Variants in ELL3 observed in about 807,000 individuals in gnomAD.
The protein encoded by ELL3 is RNA polymerase II elongation factor ELL3.
Under a neutral mutation model 58.5 loss-of-function variants are expected in ELL3, and 48 were observed. The observed-to-expected ratio is 0.82, with a 90% CI of 0.65 to 1.04. The LOEUF (loss-of-function observed/expected upper bound fraction) is 1.04. Among genes scored for constraint, ELL3 ranks in the 50% least tolerant of loss-of-function variants. ELL3 has a pLI of 0.00. For synonymous variants in ELL3, 174 were observed against 173.2 expected, an observed-to-expected ratio of 1.00 and a Z score of -0.04; for missense variants, 458 against 478.4, an observed-to-expected ratio of 0.96 and a Z score of 0.40.
rs1021355753 is a variant in ELL3 at position 43,776,863 on chromosome 15, C to A, written c.39G>T (p.Arg13=). 6 of 1,611,772 alleles carry A rather than the reference C, an allele frequency of 3.7e-6. No homozygotes were observed. Among genetic ancestry groups the A allele is most frequent in the Non-Finnish European group, 5.1e-6 (6 of 1,179,630 alleles). The change falls in exon 1 of 11, where the codon CGG becomes CGT. Residue 13 remains arginine (R), a synonymous_variant. Transcript: ENST00000319359. ...TCCGGGCAGCTTGCGTGAAGCAGAG[C>A]CGGAGCTGTCCTCTCAGAGGCTCCT... ...ELQEPLRGQL[R]LCFTQAARTS...
In ELL3 at chr15:43,775,805, C is replaced by T; in HGVS notation, c.400G>A (p.Ala134Thr). The stretch of plus-strand genomic sequence containing the variant: ...TTCTGCCAACTCTCAGGATGTCTGG[C>T]ATCTTCAGTCAGGTTGTGTCCCTGA... ...SVQGHNLTED[A>T]RHPESWQNTG... is the part of the protein sequence containing the mutation. The change falls in exon 4 of 11, where the codon GCC becomes ACC. Residue 134 changes from alanine to threonine, a missense_variant. By Grantham distance (58) the Ala-to-Thr change is moderately conservative. Coordinates refer to ENST00000319359, the MANE Select transcript of ELL3 (RefSeq NM_025165.3). 1 of 1,614,196 alleles carries T rather than the reference C, an allele frequency of 6.2e-7. No individual in the cohort carries two copies.
rs141346724 is a variant in ELL3, at chr15:43,776,514, G to T, written c.163C>A (p.Arg55=). 1,021 of 1,565,908 alleles carry T rather than the reference G, an allele frequency of 6.5e-4. 4 individuals are homozygous for T. In the African/African-American group the frequency reaches 0.012, roughly 18 times the overall value. ...CACCCTGAGCTCGCACTTACCCCTC[G>T]GTGGCCTTGGAAAGCAATCACCGGC... ...VRPVIAFQGH[R]GYLRLPGPGW... is the part of the protein sequence containing the mutation. Residue 55 remains arginine, a synonymous_variant, in exon 2 of 11, where the codon CGA becomes AGA. Transcript: ENST00000319359.
At position 43,774,788 on chromosome 15, in the gene ELL3, A is replaced by G; in HGVS notation, c.646-15T>C. 3.2e-6 allele frequency: 5 copies of G among 1,584,352 alleles called. No homozygotes were observed. Among genetic ancestry groups the G allele is most frequent in the Non-Finnish European group, 3.4e-6 (4 of 1,170,266 alleles). ...ACTGAACGTTTCTGTTGAGGAAAAT[A>G]TCTGTGTGACATAAACAGCCAAGAG... On this transcript the variant is annotated splice_polypyrimidine_tract_variant and intron_variant, in intron 6 of 10. Coordinates refer to ENST00000319359, the MANE Select transcript of ELL3 (RefSeq NM_025165.3).
intron 6 of ELL3, 49 bp from the exon 7 acceptor site, chr15:43,774,822 A>G: frequency 6.6e-7 from 1 of 1,524,314 alleles, no homozygotes. Context: ...AGCTTCCTAA[A>G]TATGTTCTTC....
rs202108980 is a variant in ELL3 at position 43,773,297 on chromosome 15, G to T, written c.1083+7C>A. 44 of 1,614,128 alleles carry T rather than the reference G, an allele frequency of 2.7e-5. No homozygotes were observed. In the African/African-American group the frequency reaches 5.3e-4, roughly 20 times the overall value. On this transcript the variant is annotated splice_region_variant and intron_variant, in intron 10 of 10. Coordinates refer to ENST00000319359, the MANE Select transcript of ELL3 (RefSeq NM_025165.3). ...TACCTTGCTTCCGTTCCCAGACCTT[G>T]TCTTACCTTCCTGAACTTTTTATAT...
rs761289258 is a variant in ELL3, at chr15:43,773,141, A to T, written c.1169T>A (p.Phe390Tyr). ...LSHIKGLILE[F>Y]EEKNRGS ...TCAGCTGCCCCTGTTCTTTTCCTCA[A>T]ACTCCAGGATGAGACCTTTAATGTG... The change falls in exon 11 of 11, where the codon TTT becomes TAT. Residue 390 changes from phenylalanine (F) to tyrosine (Y), a missense_variant. By Grantham distance (22) the Phe-to-Tyr change is conservative. Coordinates refer to ENST00000319359, the MANE Select transcript of ELL3 (RefSeq NM_025165.3). 22 of 1,610,258 alleles carry T rather than the reference A, an allele frequency of 1.4e-5. No homozygotes were observed. Among genetic ancestry groups the T allele is most frequent in the Non-Finnish European group, 1.9e-5 (22 of 1,179,028 alleles).
intron 1 of ELL3, 91 bp from the exon 2 acceptor site, chr15:43,776,635 G>T: frequency 6.5e-7 from 1 of 1,548,328 alleles, no homozygotes; most frequent in Non-Finnish European, 8.7e-7. Context: ...CCTGCCTAGC[G>T]GGCTTCACTT....
intron 1 of ELL3, 66 bp from the exon 2 acceptor site, chr15:43,776,610 C>T: frequency 1.3e-6 from 2 of 1,551,444 alleles, no homozygotes; most frequent in Non-Finnish European, 1.7e-6. Flanking sequence ...ATCCGGCGTC[C>T]GGAGCCCGGG....
In ELL3 at chr15:43,774,181, C is replaced by T. The variant is rs757327490; in HGVS notation, c.1038+1G>A. The T allele has an allele frequency of 3.7e-6, 6 of 1,614,074 alleles. No individual in the cohort carries two copies. The highest frequency in any genetic ancestry group is 1.7e-5 in the Admixed American group (1 of 60,020). On this transcript the variant is annotated splice_donor_variant, in intron 9 of 10. Coordinates refer to ENST00000319359, the MANE Select transcript of ELL3 (RefSeq NM_025165.3). LOFTEE classifies it high-confidence loss of function. ...AAAGCCAGGCTGGGTCCTGTCCTTA[C>T]CTTGTATTCTGGAGTTCCTCGCCGA... is the stretch of plus-strand genomic sequence containing the variant.
chr15:43,775,580 G>A lies in ELL3; in HGVS notation c.514C>T (p.Gln172Ter), dbSNP rs757191401. 1 of 1,614,192 alleles carries A rather than the reference G, an allele frequency of 6.2e-7. No individual in the cohort carries two copies. The highest frequency in any genetic ancestry group is 8.5e-7 in the Non-Finnish European group (1 of 1,180,032). The change falls in exon 5 of 11, where the codon CAA (glutamine) becomes TAA (stop). Residue 172 changes from glutamine (Q) to a stop codon, truncating the protein, a stop_gained. Coordinates refer to ENST00000319359, the MANE Select transcript of ELL3 (RefSeq NM_025165.3). LOFTEE classifies it high-confidence loss of function. ...GAGGATCCTGGGAGTGACTGTCCTT[G>A]GTTGCTTGCCAGTGGATCTGACACT... is the stretch of plus-strand genomic sequence containing the variant. ...VSVSDPLASN[Q>*]GQSLPGSSRE...
Position 43,775,880 on chromosome 15 carries a change from G to A in ELL3, c.325C>T (p.Arg109Cys), listed in dbSNP as rs137982948. The A allele has an allele frequency of 3.1e-6, 5 of 1,614,140 alleles. 1 individual carries two copies. Among genetic ancestry groups the A allele is most frequent in the South Asian group, 2.2e-5 (2 of 91,076 alleles). Residue 109 changes from arginine (R) to cysteine (C), a missense_variant, in exon 4 of 11, where the codon CGC becomes TGC. Transcript: ENST00000319359. ...SLHCLGSLRE[R>C]LIIWAAMDSI... ...TCCATGGCTGCCCAAATAATGAGGC[G>A]CTCCCTGAGTGAGCCCAGGCAGTGG...
rs745735240 is a variant in ELL3, at chr15:43,773,228, T to A, written c.1084-2A>T. ...TTCTTCTCTGTAACTTGGGTACTGC[T>A]GCAGAGAAAAAGCATCCATGTCAAA... On this transcript the variant is annotated splice_acceptor_variant, in intron 10 of 10. Coordinates refer to ENST00000319359, the MANE Select transcript of ELL3 (RefSeq NM_025165.3). LOFTEE classifies it high-confidence loss of function. 2.5e-6 allele frequency: 4 copies of A among 1,613,842 alleles called. No homozygotes were observed. The South Asian group carries it at 4.4e-5, about 18-fold the overall frequency.
chr15:43,776,240 A>C, intron 2 of ELL3, 89 bp from the exon 3 acceptor site: 1 of 1,285,488 alleles, frequency 7.8e-7, no homozygotes, highest in Non-Finnish European at 1.1e-6. Flanking sequence ...TCCGTAAGTA[A>C]GACTAAGACG....
chr15:43,773,641 T>G (rs1596027556), intron 9 of ELL3, among the ~76,000 whole-genome samples: 1 of 150,954 alleles, frequency 6.6e-6, no homozygotes, highest in Non-Finnish European at 1.5e-5. Context: ...GAGCTTGCAG[T>G]GAGCCAAGAT....
At chr15:43,773,405 C>A in intron 9 of ELL3, 57 bp from the exon 10 acceptor site, 3 of 1,597,660 alleles carry the variant, frequency 1.9e-6, no homozygotes, top group Middle Eastern at 1.7e-4. Context: ...GAGGGGCGGC[C>A]AGGCATGGTG....
In ELL3 at chr15:43,776,745, T is replaced by G. The variant is rs1457427389; in HGVS notation, c.132+25A>C. The G allele has an allele frequency of 3.8e-6, 6 of 1,592,082 alleles. No individual in the cohort carries two copies. The African/African-American group carries it at 6.7e-5, about 18-fold the overall frequency. On this transcript the variant is annotated intron_variant, in intron 1 of 10. Coordinates refer to ENST00000319359, the MANE Select transcript of ELL3 (RefSeq NM_025165.3). The stretch of plus-strand genomic sequence containing the variant: ...GCCCAAGGTCCCTAGGGGCAGTGAC[T>G]AGAGAAGAAGGGGGCCGGCCGTACC...
At chr15:43,775,991 C>T in intron 3 of ELL3, 48 bp downstream of exon 3, 1 of 1,612,032 alleles carries the variant, frequency 6.2e-7, no homozygotes, top group Non-Finnish European at 8.5e-7. Flanking sequence ...CATTTCCCTC[C>T]CCCACTTTCC....
At position 43,773,001 on chromosome 15, in the gene ELL3, C is replaced by T. The variant is rs559286231; in HGVS notation, c.*115G>A. The T allele has an allele frequency of 1.0e-6, 1 of 1,000,242 alleles. No homozygotes were observed. The highest frequency in any genetic ancestry group is 1.6e-5 in the South Asian group (1 of 60,728). 62.0% of individuals were successfully genotyped at this position (1,000,242 alleles called of 1,614,324 possible). A position where few individuals can be genotyped will look rare whatever the true frequency, so the allele number is the denominator to read the frequency against. On this transcript the variant is annotated 3_prime_UTR_variant, in exon 11 of 11. Coordinates refer to ENST00000319359, the MANE Select transcript of ELL3 (RefSeq NM_025165.3). ...CCTAGAGCAGCTCTCTACTTGCCAC[C>T]ATGGACTCCAGTGGTCAGCATAAGA...
chr15:43,776,110 G>C lies in ELL3; in HGVS notation c.210C>G (p.Ser70=). The stretch of plus-strand genomic sequence containing the variant: ...CCTGACAACACTGGGACACTATGAA[G>C]GAGAAGAGGCAGGACCAACCAGGGC... ...LPGPGWSCLF[S]FIVSQCCQEG... The change falls in exon 3 of 11, where the codon TCC becomes TCG. Residue 70 remains serine (S), a synonymous_variant. Transcript: ENST00000319359. The C allele has an allele frequency of 6.2e-7, 1 of 1,614,128 alleles. No individual in the cohort carries two copies. Among genetic ancestry groups the C allele is most frequent in the Non-Finnish European group, 8.5e-7 (1 of 1,180,016 alleles).
Sources: allele counts gnomAD v4.1 joint callset (sites outside exome capture counted in the v4.1 genomes callset), GRCh38; gene constraint gnomAD v4.1.1; transcripts MANE v1.5; gene names NCBI Gene and HGNC (gene_info 2026-07-23, HGNC 2026-07-21).